The following PAWR variants were observed in gnomAD, a reference collection of about 807,000 sequenced individuals.
PAWR encodes PRKC apoptosis WT1 regulator protein.
A neutral mutation model predicts 32.0 loss-of-function variants in PAWR; 23 were observed. The observed-to-expected ratio is 0.72, with a 90% CI of 0.52 to 1.02. The LOEUF (loss-of-function observed/expected upper bound fraction) is 1.02. Among genes scored for constraint, PAWR ranks in the 50% least tolerant of loss-of-function variants. The probability of loss-of-function intolerance (pLI) is 0.00; values close to 1 mark genes in which losing one functional copy is unlikely to be tolerated. For synonymous variants in PAWR, 226 were observed against 187.1 expected (o/e 1.21, Z -1.70); for missense variants, 457 against 437.7 (o/e 1.04, Z -0.39).
chr12:79,686,917 C>G (rs1483241011), intron 2 of PAWR, among the ~76,000 whole-genome samples: 1 of 152,096 alleles, frequency 6.6e-6, no homozygotes, highest in Non-Finnish European at 1.5e-5. Flanking sequence ...TATAGCCTTG[C>G]TCCTTGAGAA....
intron 2 of PAWR, among the ~76,000 whole-genome samples, chr12:79,648,804 AT>A (rs201356128): frequency 0.011 from 1,598 of 150,406 alleles, 56 homozygotes; most frequent in African/African-American, 0.037. Context: ...AAAAAAAAAA[AT>A]AAAAAAACCC....
chr12:79,665,989 G>A (rs921455869), intron 2 of PAWR, among the ~76,000 whole-genome samples: 1 of 152,124 alleles, frequency 6.6e-6, no homozygotes. Context: ...AGTATCATCA[G>A]ATAACTTGAA....
intron 2 of PAWR, among the ~76,000 whole-genome samples, chr12:79,638,784 A>G (rs1406239027): frequency 2.1e-5 from 2 of 93,762 alleles, no homozygotes; most frequent in African/African-American, 8.0e-5. Flanking sequence ...CTATCATTAT[A>G]TTTGGGGTGT....
At chr12:79,643,029 T>C (rs910863656) in intron 2 of PAWR, among the ~76,000 whole-genome samples, 6 of 152,210 alleles carry the variant, frequency 3.9e-5, no homozygotes, top group Middle Eastern at 3.2e-3. Flanking sequence ...GTTCCTGCTA[T>C]ATTCTTATAT....
At chr12:79,669,553 C>T (rs973969357) in intron 2 of PAWR, among the ~76,000 whole-genome samples, 6 of 151,888 alleles carry the variant, frequency 4.0e-5, no homozygotes, top group Non-Finnish European at 8.8e-5. Context: ...TCAAGTCCTC[C>T]AACGAAAGCA....
At chr12:79,640,157 C>T (rs1165857406) in intron 2 of PAWR, among the ~76,000 whole-genome samples, 2 of 152,086 alleles carry the variant, frequency 1.3e-5, no homozygotes, top group African/African-American at 4.8e-5. Context: ...CCCACCTCAG[C>T]CTCCCAACAT....
chr12:79,641,575 G>A (rs181527446), intron 2 of PAWR, among the ~76,000 whole-genome samples: 237 of 152,042 alleles, frequency 1.6e-3, no homozygotes, highest in Admixed American at 5.5e-3. Context: ...TTGGCCAGGC[G>A]CGGTGGCTCA....
At chr12:79,633,869 T>C (rs1323568557) in intron 2 of PAWR, among the ~76,000 whole-genome samples, 1 of 152,182 alleles carries the variant, frequency 6.6e-6, no homozygotes, top group African/African-American at 2.4e-5. Context: ...AAAAAATCCA[T>C]ATATTTTAGA....
At chr12:79,596,858 A>T in intron 4 of PAWR, 200 bp from the exon 5 acceptor site, 1 of 496,162 alleles carries the variant, frequency 2.0e-6, no homozygotes, top group South Asian at 3.6e-5. Flanking sequence ...CTTTCGACCA[A>T]TATCTACTGA....
intron 4 of PAWR, among the ~76,000 whole-genome samples, chr12:79,607,651 C>T (rs1368075073): frequency 6.6e-6 from 1 of 151,346 alleles, no homozygotes; most frequent in Non-Finnish European, 1.5e-5. Context: ...ATCACCTGAG[C>T]CAGGGAATTG....
chr12:79,669,457 C>T (rs998873806), intron 2 of PAWR, among the ~76,000 whole-genome samples: 85 of 152,140 alleles, frequency 5.6e-4, no homozygotes, highest in African/African-American at 5.3e-4. Context: ...ATATGATTTT[C>T]GTATCTGCAG....
chr12:79,596,087 C>A (rs1036515325), intron 5 of PAWR, among the ~76,000 whole-genome samples: 24 of 152,212 alleles, frequency 1.6e-4, no homozygotes, highest in African/African-American at 4.3e-4. Context: ...GTATTCAACA[C>A]CATTGCTAAT....
intron 2 of PAWR, among the ~76,000 whole-genome samples, chr12:79,622,832 T>A (rs1045629786): frequency 1.3e-5 from 2 of 152,156 alleles, no homozygotes; most frequent in African/African-American, 4.8e-5. Context: ...CCCAGGAGAC[T>A]AGTATCTTTT....
intron 2 of PAWR, among the ~76,000 whole-genome samples, chr12:79,640,636 G>C (rs1275582093): frequency 1.3e-5 from 2 of 152,142 alleles, no homozygotes; most frequent in African/African-American, 4.8e-5. Context: ...AGCCACTTGG[G>C]AGGCTGAGGT....
chr12:79,671,646 A>G (rs1289885370), intron 2 of PAWR, among the ~76,000 whole-genome samples: 1 of 151,712 alleles, frequency 6.6e-6, no homozygotes, highest in Non-Finnish European at 1.5e-5. Context: ...CGAGGGATAT[A>G]AAGACAAATA....
intron 4 of PAWR, among the ~76,000 whole-genome samples, chr12:79,612,645 T>C (rs1874492783): frequency 6.6e-6 from 1 of 152,186 alleles, no homozygotes; most frequent in South Asian, 2.1e-4. Context: ...TATTCCTGCC[T>C]TATAAGATAA....
intron 2 of PAWR, among the ~76,000 whole-genome samples, chr12:79,664,268 C>T (rs886406714): frequency 6.6e-6 from 1 of 152,062 alleles, no homozygotes; most frequent in Non-Finnish European, 1.5e-5. Context: ...TCAAAAAGAT[C>T]TGGAAATAAA....
chr12:79,629,749 G>A (rs1471830073), intron 2 of PAWR, among the ~76,000 whole-genome samples: 3 of 152,058 alleles, frequency 2.0e-5, no homozygotes, highest in African/African-American at 7.2e-5. Flanking sequence ...ACATAAAACA[G>A]GATTTGTGCA....
At chr12:79,674,401 AT>A (rs1412907299) in intron 2 of PAWR, among the ~76,000 whole-genome samples, 6 of 151,362 alleles carry the variant, frequency 4.0e-5, no homozygotes, top group African/African-American at 1.5e-4. Context: ...AAAAAAAAAA[AT>A]CAACTCAAAT....
Sources: allele counts gnomAD v4.1 joint callset (sites outside exome capture counted in the v4.1 genomes callset), GRCh38; gene constraint gnomAD v4.1.1; transcripts MANE v1.5; gene names NCBI Gene and HGNC (gene_info 2026-07-23, HGNC 2026-07-21).